CDK5RAP2: variants seen among roughly 807,000 people sequenced by gnomAD.
The protein encoded by CDK5RAP2 is CDK5 regulatory subunit associated protein 2.
CDK5RAP2 carries 147 observed loss-of-function variants against 232.9 expected under a neutral mutation model. That is an observed-to-expected ratio of 0.63 (90% CI 0.55 to 0.72). The LOEUF (loss-of-function observed/expected upper bound fraction) is 0.72, where lower values mean the gene tolerates loss of function less well. Among genes scored for constraint, CDK5RAP2 ranks in the 30% least tolerant of loss-of-function variants. The pLI, the probability that CDK5RAP2 is intolerant of heterozygous loss-of-function variation, is 0.00. For missense variants in CDK5RAP2, 2,195 were observed against 2,231.5 expected (o/e 0.98, Z 0.33); for synonymous variants, 833 against 833.7 (o/e 1.00, Z 0.01).
intron 2 of CDK5RAP2, among the ~76,000 whole-genome samples, chr9:120,571,430 A>C (rs1352441893): frequency 6.6e-6 from 1 of 152,268 alleles, no homozygotes; most frequent in African/African-American, 2.4e-5. Context: ...ATTATGAAGA[A>C]TGCTTAGCTA....
intron 36 of CDK5RAP2, among the ~76,000 whole-genome samples, chr9:120,392,216 T>G (rs928589845): frequency 1.3e-5 from 2 of 152,074 alleles, no homozygotes; most frequent in Non-Finnish European, 2.9e-5. Context: ...ATTTTACAGA[T>G]GAGAAAACTG....
At chr9:120,437,616 A>G (rs1434411506) in intron 24 of CDK5RAP2, 89 bp from the exon 25 acceptor site, 1 of 942,124 alleles carries the variant, frequency 1.1e-6, no homozygotes, top group Non-Finnish European at 1.7e-6. Flanking sequence ...GACAGAGTAC[A>G]ATTTTTAAAA....
At chr9:120,551,962 C>T (rs1296577875) in intron 3 of CDK5RAP2, among the ~76,000 whole-genome samples, 1 of 151,964 alleles carries the variant, frequency 6.6e-6, no homozygotes. Context: ...GGGCTAATAT[C>T]CAGAATCTAC....
At chr9:120,496,535 C>T (rs2039256769) in intron 12 of CDK5RAP2, among the ~76,000 whole-genome samples, 2 of 149,706 alleles carry the variant, frequency 1.3e-5, no homozygotes, top group Non-Finnish European at 3.0e-5. Flanking sequence ...CCCGCCCGGC[C>T]AGCCGCCCCG....
chr9:120,532,092 A>G (rs778952836), intron 7 of CDK5RAP2, among the ~76,000 whole-genome samples: 1 of 152,064 alleles, frequency 6.6e-6, no homozygotes, highest in Non-Finnish European at 1.5e-5. Flanking sequence ...CCTGTGGCCA[A>G]GCTGGAGCAC....
In CDK5RAP2 at chr9:120,572,708, G is replaced by GT. The variant is rs147503021; in HGVS notation, c.60-668dup. ...CCTGATCTATTCTAAGCTCTGCCAT[G>GT]TATCTCTCTGAGCCTCACTTTCTTT... On this transcript the variant is annotated intron_variant, in intron 1 of 37. Transcript: ENST00000349780. Among the ~76,000 whole-genome samples the GT allele has an allele frequency of 1.3e-4, 20 of 152,302 alleles. No individual in the cohort carries two copies. In the East Asian group the frequency reaches 3.9e-3, roughly 29 times the overall value.
chr9:120,499,689 A>G (rs1273279167), intron 12 of CDK5RAP2, among the ~76,000 whole-genome samples: 1 of 152,200 alleles, frequency 6.6e-6, no homozygotes, highest in Non-Finnish European at 1.5e-5. Context: ...AGAAGGAAAG[A>G]AAGGGTTTTT....
At position 120,507,649 on chromosome 9, in the gene CDK5RAP2, C is replaced by G. The variant is rs371244681; in HGVS notation, c.1311+10778G>C. Among the ~76,000 whole-genome samples, 15 of 151,932 alleles carry G rather than the reference C, an allele frequency of 9.9e-5. No homozygotes were observed. In the East Asian group the frequency reaches 2.9e-3, roughly 29 times the overall value. ...CCACCATCCTAAGGAATCTGCAGAG[C>G]CCCCCGGGTGCATCTGTTTTATTTG... On this transcript the variant is annotated intron_variant, in intron 12 of 37. Coordinates refer to ENST00000349780, the MANE Select transcript of CDK5RAP2 (RefSeq NM_018249.6).
chr9:120,398,912 G>C (rs1461609858), intron 35 of CDK5RAP2, among the ~76,000 whole-genome samples: 3 of 152,160 alleles, frequency 2.0e-5, no homozygotes, highest in African/African-American at 7.2e-5. Context: ...GTGAAAACTT[G>C]GAAATGGAAA....
chr9:120,472,414 C>T (rs1255994745), intron 15 of CDK5RAP2, among the ~76,000 whole-genome samples: 5 of 152,098 alleles, frequency 3.3e-5, no homozygotes, highest in Non-Finnish European at 7.4e-5. Context: ...GAAAGGGAGG[C>T]TCCCCAGGGC....
At chr9:120,531,726 T>C (rs1180757840) in intron 7 of CDK5RAP2, among the ~76,000 whole-genome samples, 6 of 152,214 alleles carry the variant, frequency 3.9e-5, no homozygotes, top group Non-Finnish European at 8.8e-5. Context: ...AAGAAAGATT[T>C]TGCAGTCAGA....
At chr9:120,390,430 T>C (rs1316349147) in intron 36 of CDK5RAP2, among the ~76,000 whole-genome samples, 1 of 152,074 alleles carries the variant, frequency 6.6e-6, no homozygotes, top group East Asian at 1.9e-4. Context: ...CAAGAGCTGG[T>C]TGGGTGGGAT....
intron 35 of CDK5RAP2, among the ~76,000 whole-genome samples, chr9:120,396,572 G>A (rs1269419302): frequency 2.6e-5 from 4 of 152,068 alleles, no homozygotes; most frequent in Non-Finnish European, 5.9e-5. Context: ...GGGTGCCCCG[G>A]GGCTCAGTGT....
At chr9:120,531,096 G>C (rs2041131408) in intron 7 of CDK5RAP2, among the ~76,000 whole-genome samples, 1 of 152,034 alleles carries the variant, frequency 6.6e-6, no homozygotes, top group Non-Finnish European at 1.5e-5. Context: ...TACCAGATCA[G>C]AGGGCCCTGC....
intron 30 of CDK5RAP2, 133 bp downstream of exon 30, chr9:120,408,994 C>T (rs965582132): frequency 1.8e-5 from 15 of 812,326 alleles, no homozygotes; most frequent in South Asian, 1.2e-4. Flanking sequence ...GCGCACCAGA[C>T]GTACAATGTG....
intron 2 of CDK5RAP2, among the ~76,000 whole-genome samples, chr9:120,568,759 G>A (rs2042739823): frequency 6.6e-6 from 1 of 152,114 alleles, no homozygotes; most frequent in African/African-American, 2.4e-5. Flanking sequence ...TGACTTGACA[G>A]CAGGGGTTGG....
intron 3 of CDK5RAP2, among the ~76,000 whole-genome samples, chr9:120,568,093 C>G (rs1427299815): frequency 6.6e-6 from 1 of 152,162 alleles, no homozygotes; most frequent in Non-Finnish European, 1.5e-5. Context: ...AAGTTTCACC[C>G]AAAGTTGAAA....
intron 9 of CDK5RAP2, among the ~76,000 whole-genome samples, chr9:120,528,466 T>A (rs775263891): frequency 6.6e-6 from 1 of 152,202 alleles, no homozygotes; most frequent in Non-Finnish European, 1.5e-5. Flanking sequence ...CAGGTCCAAA[T>A]CTTTGCTCTA....
intron 1 of CDK5RAP2, among the ~76,000 whole-genome samples, chr9:120,574,817 T>C (rs2042970607): frequency 1.2e-5 from 1 of 85,730 alleles, no homozygotes. Flanking sequence ...CTTTTTAATG[T>C]TGCCTTTTTT....
Sources: gnomAD v4.1 joint callset for allele counts (sites outside exome capture counted in the v4.1 genomes callset) on GRCh38, gnomAD v4.1.1 for gene constraint, MANE v1.5 for transcripts, NCBI Gene and HGNC (gene_info 2026-07-23, HGNC 2026-07-21) for gene names.